Variants in POLK observed in about 807,000 individuals in gnomAD.
The protein encoded by POLK is DNA polymerase kappa.
POLK carries 76 observed loss-of-function variants against 94.0 expected under a neutral mutation model. That is an observed-to-expected ratio of 0.81 (90% CI 0.67 to 0.98). POLK has a LOEUF of 0.98. Among genes scored for constraint, POLK ranks in the 50% least tolerant of loss-of-function variants. The probability of loss-of-function intolerance (pLI) is 0.00; values close to 1 mark genes in which losing one functional copy is unlikely to be tolerated. For synonymous variants in POLK, 349 were observed against 325.4 expected, an observed-to-expected ratio of 1.07 and a Z score of -0.78; for missense variants, 954 against 1,010.1, an observed-to-expected ratio of 0.94 and a Z score of 0.75.
chr5:75,551,515 C>T (rs1770331272), intron 2 of POLK, among the ~76,000 whole-genome samples: 1 of 151,888 alleles, frequency 6.6e-6, no homozygotes, highest in Admixed American at 6.6e-5. Flanking sequence ...GTCTACAACT[C>T]AATAAGACAA....
intron 1 of POLK, among the ~76,000 whole-genome samples, chr5:75,528,100 C>G (rs552088791): frequency 6.6e-6 from 1 of 152,052 alleles, no homozygotes; most frequent in Non-Finnish European, 1.5e-5. Flanking sequence ...GAAAATTTCC[C>G]TTCATACAGT....
exon 11 of POLK, chr5:75,590,402 A>G: frequency 6.2e-7 from 1 of 1,610,560 alleles, no homozygotes. Context: ...AGAACTTTGC[A>G]GTGAGCTTGC....
At chr5:75,595,045 G>A (rs972909045) in intron 12 of POLK, among the ~76,000 whole-genome samples, 4 of 152,092 alleles carry the variant, frequency 2.6e-5, no homozygotes, top group Admixed American at 2.0e-4. Context: ...GAGGTCAGGA[G>A]TTCAAGACCA....
intron 1 of POLK, among the ~76,000 whole-genome samples, chr5:75,535,316 C>T (rs570902260): frequency 2.0e-5 from 3 of 152,152 alleles, no homozygotes; most frequent in African/African-American, 4.8e-5. Context: ...TTTCTGCTGA[C>T]AAGTCTGCTT....
chr5:75,569,530 C>A (rs202073036), intron 4 of POLK, 38 bp downstream of exon 4: 3 of 1,532,628 alleles, frequency 2.0e-6, no homozygotes, highest in Non-Finnish European at 2.7e-6. Context: ...AATTTTATAA[C>A]GTACTCAAGT....
chr5:75,527,565 A>C (rs1768932097), intron 1 of POLK, among the ~76,000 whole-genome samples: 1 of 151,818 alleles, frequency 6.6e-6, no homozygotes, highest in Non-Finnish European at 1.5e-5. Context: ...ATATATGTAT[A>C]TATACATGTG....
chr5:75,526,872 C>T (rs891956612), intron 1 of POLK, among the ~76,000 whole-genome samples: 5 of 152,154 alleles, frequency 3.3e-5, no homozygotes, highest in South Asian at 2.1e-4. Context: ...TGAGCCACTG[C>T]ACCTGGCCTA....
intron 1 of POLK, among the ~76,000 whole-genome samples, chr5:75,519,850 T>G (rs1168875408): frequency 1.3e-5 from 2 of 152,186 alleles, no homozygotes; most frequent in Admixed American, 6.5e-5. Flanking sequence ...TGTCTTCTAA[T>G]TGGAGACTTG....
At chr5:75,513,762 A>G (rs1768186973) in intron 1 of POLK, among the ~76,000 whole-genome samples, 1 of 152,212 alleles carries the variant, frequency 6.6e-6, no homozygotes, top group African/African-American at 2.4e-5. Flanking sequence ...TCTAAAAAGC[A>G]CACAGTACGG....
intron 1 of POLK, among the ~76,000 whole-genome samples, chr5:75,514,499 G>A (rs1314640378): frequency 6.6e-6 from 1 of 152,158 alleles, no homozygotes; most frequent in Non-Finnish European, 1.5e-5. Flanking sequence ...CCTACAAAAT[G>A]TCAAACATTG....
At chr5:75,530,863 C>T (rs1244300658) in intron 1 of POLK, among the ~76,000 whole-genome samples, 9 of 149,220 alleles carry the variant, frequency 6.0e-5, no homozygotes, top group African/African-American at 1.5e-4. Flanking sequence ...GCTGGAGTGC[C>T]GTGGCGCGAT....
chr5:75,544,585 T>G (rs5744573), intron 1 of POLK, among the ~76,000 whole-genome samples: 7,503 of 151,468 alleles, frequency 0.05, 558 homozygotes, highest in African/African-American at 0.17. Flanking sequence ...GAGGTAGCAG[T>G]AAGCCGAGAT....
At chr5:75,568,336 C>A (rs905763264) in intron 3 of POLK, among the ~76,000 whole-genome samples, 1 of 152,132 alleles carries the variant, frequency 6.6e-6, no homozygotes, top group Non-Finnish European at 1.5e-5. Context: ...TTGGTAACTT[C>A]CCTATGTTGC....
rs148958388 is a variant in POLK, at chr5:75,537,159, A to G, written c.-13-9851A>G. Among the ~76,000 whole-genome samples, 316 of 152,286 alleles carry G rather than the reference A, an allele frequency of 2.1e-3. 1 individual carries two copies. In the East Asian group the frequency reaches 0.027, roughly 13 times the overall value. ...GGCACTGCAGTGGCGGCCTCTATTG[A>G]GGCTATAACACTGGTGCTGATCTGC... On this transcript the variant is annotated intron_variant, in intron 1 of 14. Coordinates refer to ENST00000241436, the Ensembl canonical transcript of POLK.
At chr5:75,544,190 CAAT>C (rs757937990) in intron 1 of POLK, among the ~76,000 whole-genome samples, 20 of 152,218 alleles carry the variant, frequency 1.3e-4, no homozygotes, top group Non-Finnish European at 2.6e-4. Flanking sequence ...AGTAGGCATT[CAAT>C]AATATGTCTT....
At chr5:75,584,295 T>C (rs887781794) in intron 8 of POLK, among the ~76,000 whole-genome samples, 3 of 152,186 alleles carry the variant, frequency 2.0e-5, no homozygotes, top group African/African-American at 7.2e-5. Flanking sequence ...TTAATGCCTT[T>C]TGAAATTCCA....
chr5:75,517,909 T>C (rs1247702636), intron 1 of POLK, among the ~76,000 whole-genome samples: 6 of 152,184 alleles, frequency 3.9e-5, no homozygotes, highest in Non-Finnish European at 8.8e-5. Context: ...TGTTTTTGGT[T>C]CTTGATTCTG....
intron 11 of POLK, 65 bp from the exon 12 acceptor site, chr5:75,593,813 A>G: frequency 1.0e-6 from 1 of 994,164 alleles, no homozygotes; most frequent in Non-Finnish European, 1.5e-6. Flanking sequence ...AGCGCACTCC[A>G]GCATGGACAA....
chr5:75,571,294 TC>T (rs559049042), intron 4 of POLK, among the ~76,000 whole-genome samples: 57 of 152,302 alleles, frequency 3.7e-4, no homozygotes, highest in Admixed American at 1.5e-3. Flanking sequence ...GTTTGATTAT[TC>T]CCACTGATAA....
Sources: gnomAD v4.1 joint callset for allele counts (sites outside exome capture counted in the v4.1 genomes callset) on GRCh38, gnomAD v4.1.1 for gene constraint, MANE v1.5 for transcripts, NCBI Gene and HGNC (gene_info 2026-07-23, HGNC 2026-07-21) for gene names.